Variants in B3GALT1 observed in about 807,000 individuals in gnomAD.
B3GALT1 encodes the protein beta-1,3-galactosyltransferase 1.
A neutral mutation model predicts 23.2 loss-of-function variants in B3GALT1; 10 were observed. That is an observed-to-expected ratio of 0.43 (90% CI 0.27 to 0.73). The LOEUF (loss-of-function observed/expected upper bound fraction) is 0.73. Ranked by LOEUF, B3GALT1 falls within the 30% of genes least tolerant of loss-of-function variation. The pLI is 0.21. For missense variants in B3GALT1, 299 were observed against 405.4 expected, an observed-to-expected ratio of 0.74 and a Z score of 2.25; for synonymous variants, 156 against 141.5, an observed-to-expected ratio of 1.10 and a Z score of -0.73.
At chr2:167,714,276 G>C in intron 3 of B3GALT1, 5 of 1,499,524 alleles carry the variant, frequency 3.3e-6, no homozygotes, top group Non-Finnish European at 3.7e-6. Flanking sequence ...TGTTCCCATG[G>C]AGATGAGAGG....
At chr2:167,487,967 A>G (rs1230323366) in intron 1 of B3GALT1, among the ~76,000 whole-genome samples, 1 of 152,170 alleles carries the variant, frequency 6.6e-6, no homozygotes, top group Non-Finnish European at 1.5e-5. Context: ...AAAGAAGGTC[A>G]TTTAACACCA....
At chr2:167,474,116 A>G (rs1699456401) in intron 1 of B3GALT1, among the ~76,000 whole-genome samples, 2 of 152,200 alleles carry the variant, frequency 1.3e-5, no homozygotes, top group African/African-American at 4.8e-5. Flanking sequence ...TGGCATGGAC[A>G]TGTCAGTAGA....
At chr2:167,845,712 C>A (rs1390011962) in intron 4 of B3GALT1, among the ~76,000 whole-genome samples, 1 of 151,792 alleles carries the variant, frequency 6.6e-6, no homozygotes, top group African/African-American at 2.4e-5. Flanking sequence ...GCCCCCACCC[C>A]CCCGCAACAA....
chr2:167,417,022 G>T (rs1698482594), intron 1 of B3GALT1, among the ~76,000 whole-genome samples: 1 of 152,080 alleles, frequency 6.6e-6, no homozygotes, highest in South Asian at 2.1e-4. Flanking sequence ...GTTGGTGCCG[G>T]AACAAGATAA....
At chr2:167,337,378 A>ACACATG (rs1159266181) in intron 1 of B3GALT1, among the ~76,000 whole-genome samples, 2 of 151,982 alleles carry the variant, frequency 1.3e-5, no homozygotes, top group Non-Finnish European at 2.9e-5. Flanking sequence ...CACCATACAC[A>ACACATG]CACATGCACA....
intron 3 of B3GALT1, among the ~76,000 whole-genome samples, chr2:167,696,441 C>T (rs1686793562): frequency 6.6e-6 from 1 of 152,000 alleles, no homozygotes; most frequent in South Asian, 2.1e-4. Context: ...CTACTTTCTT[C>T]ATTAAAGCTT....
chr2:167,700,834 G>A (rs62194983), intron 3 of B3GALT1, among the ~76,000 whole-genome samples: 13,846 of 152,104 alleles, frequency 0.091, 888 homozygotes, highest in East Asian at 0.26. Flanking sequence ...ATATCTCCGG[G>A]GTTCACCTAG....
At chr2:167,345,639 A>G (rs1697214028) in intron 1 of B3GALT1, among the ~76,000 whole-genome samples, 1 of 152,146 alleles carries the variant, frequency 6.6e-6, no homozygotes, top group Non-Finnish European at 1.5e-5. Context: ...TCCATAATGC[A>G]TTTATTTATT....
intron 3 of B3GALT1, among the ~76,000 whole-genome samples, chr2:167,669,015 A>T (rs949486478): frequency 6.6e-6 from 1 of 152,138 alleles, no homozygotes; most frequent in Non-Finnish European, 1.5e-5. Flanking sequence ...CCTTCTTTAT[A>T]TAAAGTTGCT....
chr2:167,447,874 A>G (rs940557735), intron 1 of B3GALT1, among the ~76,000 whole-genome samples: 9 of 152,028 alleles, frequency 5.9e-5, no homozygotes, highest in Admixed American at 1.3e-4. Flanking sequence ...CTGTCTGACA[A>G]GCCCCAGTGA....
intron 1 of B3GALT1, among the ~76,000 whole-genome samples, chr2:167,429,692 G>C (rs978419321): frequency 2.0e-5 from 3 of 152,152 alleles, no homozygotes; most frequent in African/African-American, 4.8e-5. Flanking sequence ...TGGATTTCAG[G>C]CCTGTCACTT....
At chr2:167,631,367 A>G (rs995682247) in intron 2 of B3GALT1, 1 of 151,912 alleles carries the variant, frequency 6.6e-6, no homozygotes, top group African/African-American at 2.4e-5. Context: ...TAGAAGACAT[A>G]TTCAGATACC....
At chr2:167,526,938 T>C (rs914943722) in intron 2 of B3GALT1, among the ~76,000 whole-genome samples, 1 of 152,142 alleles carries the variant, frequency 6.6e-6, no homozygotes, top group African/African-American at 2.4e-5. Flanking sequence ...TGAATGCAGA[T>C]TATTATAGAA....
At chr2:167,353,980 A>G (rs1260660903) in intron 1 of B3GALT1, among the ~76,000 whole-genome samples, 2 of 152,174 alleles carry the variant, frequency 1.3e-5, no homozygotes, top group Non-Finnish European at 2.9e-5. Flanking sequence ...TAAATGTACA[A>G]TGTATGGATA....
At chr2:167,330,554 G>A (rs1696957678) in intron 1 of B3GALT1, among the ~76,000 whole-genome samples, 1 of 152,162 alleles carries the variant, frequency 6.6e-6, no homozygotes, top group Admixed American at 6.5e-5. Flanking sequence ...AGGCCGCAGT[G>A]AGCCATGATC....
At chr2:167,355,300 A>T (rs879841831) in intron 1 of B3GALT1, among the ~76,000 whole-genome samples, 2 of 152,234 alleles carry the variant, frequency 1.3e-5, no homozygotes, top group Admixed American at 6.5e-5. Flanking sequence ...TCTAAAAGTG[A>T]GCTAACTTTC....
At chr2:167,497,249 AACGG>A (rs201067575) in intron 2 of B3GALT1, among the ~76,000 whole-genome samples, 3,730 of 152,248 alleles carry the variant, frequency 0.024, 120 homozygotes, top group East Asian at 0.11. Flanking sequence ...GGGGATGGGC[AACGG>A]TTACAGTATT....
intron 1 of B3GALT1, among the ~76,000 whole-genome samples, chr2:167,416,702 A>G (rs1698476553): frequency 6.6e-6 from 1 of 152,184 alleles, no homozygotes; most frequent in African/African-American, 2.4e-5. Context: ...TGTATGAGCT[A>G]CCATGTGACT....
intron 3 of B3GALT1, among the ~76,000 whole-genome samples, chr2:167,707,444 G>A (rs1686982630): frequency 6.6e-6 from 1 of 152,016 alleles, no homozygotes; most frequent in Non-Finnish European, 1.5e-5. Flanking sequence ...CATGAGCTAA[G>A]GTCAAGATCT....
Sources: gnomAD v4.1 joint callset for allele counts (sites outside exome capture counted in the v4.1 genomes callset) on GRCh38, gnomAD v4.1.1 for gene constraint, MANE v1.5 for transcripts, NCBI Gene and HGNC (gene_info 2026-07-23, HGNC 2026-07-21) for gene names.